JAG2: variants seen among roughly 807,000 people sequenced by gnomAD.
The protein encoded by JAG2 is protein jagged-2.
JAG2 carries 46 observed loss-of-function variants against 141.7 expected under a neutral mutation model. The ratio of observed to expected loss-of-function variants is 0.32; its 90% confidence interval spans 0.26 to 0.42. The LOEUF is 0.42. Ranked by LOEUF, JAG2 falls within the 10% of genes least tolerant of loss-of-function variation. JAG2 has a pLI of 1.00. For synonymous variants in JAG2, 862 were observed against 763.5 expected, an observed-to-expected ratio of 1.13 and a Z score of -2.13; for missense variants, 1,500 against 1,817.5, an observed-to-expected ratio of 0.83 and a Z score of 3.18.
chr14:105,148,486 A>G (rs1888302094), intron 15 of JAG2, 47 bp from the exon 16 acceptor site: 2 of 1,259,960 alleles, frequency 1.6e-6, no homozygotes, highest in South Asian at 1.2e-5. Context: ...ACCGGCGCTC[A>G]GGGAGGGCTT....
chr14:105,157,852 C>T (rs1888625951), intron 2 of JAG2, 89 bp from the exon 3 acceptor site: 2 of 1,203,886 alleles, frequency 1.7e-6, no homozygotes, highest in East Asian at 2.5e-5. Context: ...TCAGACGCTG[C>T]CCCTGGGTCT....
intron 5 of JAG2, among the ~76,000 whole-genome samples, chr14:105,153,410 G>A (rs587601287): frequency 1.5e-3 from 229 of 152,308 alleles, no homozygotes; most frequent in African/African-American, 5.2e-3. Flanking sequence ...GGCTCAGGGC[G>A]GGGCTGTGAC....
chr14:105,143,685 T>C (rs371052515), intron 24 of JAG2, 47 bp from the exon 25 acceptor site: 2 of 1,594,430 alleles, frequency 1.3e-6, no homozygotes, highest in African/African-American at 1.3e-5. Context: ...GGCTCCAGGC[T>C]CCCAGCAGCC....
At chr14:105,158,300 G>C (rs1198475437) in intron 2 of JAG2, among the ~76,000 whole-genome samples, 1 of 152,160 alleles carries the variant, frequency 6.6e-6, no homozygotes, top group African/African-American at 2.4e-5. Context: ...CAACAGGCCG[G>C]AGCTCAGGTC....
chr14:105,166,604 C>T (rs1351781399), intron 2 of JAG2, among the ~76,000 whole-genome samples: 1 of 152,314 alleles, frequency 6.6e-6, no homozygotes, highest in African/African-American at 2.4e-5. Context: ...GCTCAGGAAG[C>T]GGTGAGGATG....
In JAG2 at chr14:105,148,386, G is replaced by C; in HGVS notation, c.2074C>G (p.Leu692Val). ...CACGCACAGTAGAAGTCATTGACCAGGTCGTAGCAGCGGCCGCGGCTGTGG... is the reference window on the plus strand; with the variant it reads ...CACGCACAGTAGAAGTCATTGACCACGTCGTAGCAGCGGCCGCGGCTGTGG... ...PCHSRGRCYD[L>V]VNDFYCACDD... is the part of the protein sequence containing the mutation. The change falls in exon 16 of 26, where the codon CTG (leucine) becomes GTG (valine). Residue 692 changes from leucine to valine, a missense_variant. Around this residue, in one of 3 missense-constraint regions of JAG2, gnomAD observed 875 missense variants for 1,202.2 expected, o/e 0.73. Coordinates refer to ENST00000331782, the MANE Select transcript of JAG2 (RefSeq NM_002226.5). The C allele has an allele frequency of 6.2e-7, 1 of 1,612,306 alleles. No homozygotes were observed. The highest frequency in any genetic ancestry group is 8.5e-7 in the Non-Finnish European group (1 of 1,179,580).
Position 105,151,361 on chromosome 14 carries a change from C to G in JAG2, c.1189G>C (p.Gly397Arg). 1 of 1,612,214 alleles carries G rather than the reference C, an allele frequency of 6.2e-7. No homozygotes were observed. Among genetic ancestry groups the G allele is most frequent in the Non-Finnish European group, 8.5e-7 (1 of 1,179,996 alleles). The stretch of plus-strand genomic sequence containing the variant: ...TCCACCTGGTCCACACAGGTGCCAC[C>G]GGCCGCACACGGGTTCGAAGCACAC... ...DECASNPCAA[G>R]GTCVDQVDGF... Residue 397 changes from glycine to arginine, a missense_variant, in exon 9 of 26, where the codon GGT becomes CGT. Around this residue, in one of 3 missense-constraint regions of JAG2, gnomAD observed 875 missense variants for 1,202.2 expected, o/e 0.73. Transcript: ENST00000331782.
In JAG2 at chr14:105,142,987, C is replaced by G. The variant is rs756380706; in HGVS notation, c.3425G>C (p.Gly1142Ala). 3 of 1,609,358 alleles carry G rather than the reference C, an allele frequency of 1.9e-6. No homozygotes were observed. Among genetic ancestry groups the G allele is most frequent in the Non-Finnish European group, 2.5e-6 (3 of 1,179,376 alleles). Reference sequence around the variant, plus strand: ...CTGGTAGAGCACGTCCTTGTGGCCCCCCGGCCGCTCAATGGGGTTGCGGAT... The same window carrying G: ...CTGGTAGAGCACGTCCTTGTGGCCCGCCGGCCGCTCAATGGGGTTGCGGAT... ...NPIRNPIERP[G>A]GHKDVLYQCK... The change falls in exon 26 of 26, where the codon GGG becomes GCG. Residue 1142 changes from glycine to alanine, a missense_variant. Physicochemically the swap from Gly to Ala is moderately conservative, Grantham distance 60. Transcript: ENST00000331782.
chr14:105,161,479 G>A (rs1481442525), intron 2 of JAG2, among the ~76,000 whole-genome samples: 5 of 152,190 alleles, frequency 3.3e-5, no homozygotes, highest in African/African-American at 9.7e-5. Flanking sequence ...AGCCACTCAG[G>A]TAAGATTACT....
Position 105,154,512 on chromosome 14 carries a change from C to G in JAG2, c.788+1050G>C, listed in dbSNP as rs1035503208. Among the ~76,000 whole-genome samples the G allele has an allele frequency of 8.5e-5, 13 of 152,264 alleles. No individual in the cohort carries two copies. Among genetic ancestry groups the G allele is most frequent in the African/African-American group, 3.1e-4 (13 of 41,556 alleles). The stretch of plus-strand genomic sequence containing the variant: ...AAGCTGCCAGCCCCCCTGGCTGGAT[C>G]CCCCACACTCTGGTCTGGGTCCAGA... On this transcript the variant is annotated intron_variant, in intron 5 of 25. Transcript: ENST00000331782. The surrounding 1 kb of genome is among the most constrained non-coding windows in gnomAD (Gnocchi z 4.4).
chr14:105,155,688 C>T, intron 4 of JAG2, 50 bp downstream of exon 4: 1 of 1,612,316 alleles, frequency 6.2e-7, no homozygotes, highest in Non-Finnish European at 8.5e-7. Context: ...GTGCCCGGGG[C>T]CCTGCCCGAG....
chr14:105,168,149 G>A (rs1363815522), intron 1 of JAG2, 42 bp from the exon 2 acceptor site: 2 of 1,433,562 alleles, frequency 1.4e-6, no homozygotes, highest in South Asian at 1.4e-5. Flanking sequence ...GGCGCGGGCC[G>A]GGGTCGGCGG....
At chr14:105,153,738 A>T (rs1888504770) in intron 5 of JAG2, among the ~76,000 whole-genome samples, 1 of 151,944 alleles carries the variant, frequency 6.6e-6, no homozygotes, top group East Asian at 1.9e-4. Context: ...GGCCCCCCAG[A>T]CTCCGGCTCA....
rs1017500425 is a variant in JAG2, at chr14:105,142,455, C to T, written c.*240G>A. Reference sequence around the variant, plus strand: ...CTCTCCTTTCATACAGCGAGTGCCACGCACGGAAACTTTACAAAAATAGCA... The same window carrying T: ...CTCTCCTTTCATACAGCGAGTGCCATGCACGGAAACTTTACAAAAATAGCA... On this transcript the variant is annotated 3_prime_UTR_variant, in exon 26 of 26. Transcript: ENST00000331782. 6.4e-5 allele frequency: 34 copies of T among 532,680 alleles called. No homozygotes were observed. The highest frequency in any genetic ancestry group is 2.8e-4 in the Middle Eastern group (1 of 3,584). 33.0% of individuals were successfully genotyped at this position (532,680 alleles called of 1,614,324 possible).
At chr14:105,159,772 A>T (rs1450477815) in intron 2 of JAG2, among the ~76,000 whole-genome samples, 1 of 43,762 alleles carries the variant, frequency 2.3e-5, no homozygotes, top group Non-Finnish European at 3.9e-5. Context: ...ACCCCCCCAG[A>T]GTTCCATCCA....
At chr14:105,162,469 C>A (rs1888777037) in intron 2 of JAG2, among the ~76,000 whole-genome samples, 1 of 152,174 alleles carries the variant, frequency 6.6e-6, no homozygotes, top group Non-Finnish European at 1.5e-5. Context: ...CAGGCCAGGG[C>A]ACCTCAAAGC....
chr14:105,161,411 A>C (rs1386916350), intron 2 of JAG2, among the ~76,000 whole-genome samples: 2 of 152,154 alleles, frequency 1.3e-5, no homozygotes, highest in Non-Finnish European at 2.9e-5. Flanking sequence ...CGGCACAGCC[A>C]CACCTGGGCT....
At position 105,151,198 on chromosome 14, in the gene JAG2, A is replaced by G. The variant is rs1888415429; in HGVS notation, c.1267+85T>C. On this transcript the variant is annotated intron_variant, in intron 9 of 25. Transcript: ENST00000331782. ...GCACCCGCAGCCCAGCAGCCCCAGC[A>G]GCCCCAGCAGCCCCCGCAGCCCCAG... 4 of 1,466,620 alleles carry G rather than the reference A, an allele frequency of 2.7e-6. No homozygotes were observed. The South Asian group carries it at 4.9e-5, about 18-fold the overall frequency. The allele number at this position is 1,466,620 out of a possible 1,614,324, so 90.9% of individuals were successfully genotyped here. A position where few individuals can be genotyped will look rare whatever the true frequency, so the allele number is the denominator to read the frequency against.
chr14:105,143,468 C>A lies in JAG2; in HGVS notation c.3241+14G>T. 2 of 1,544,766 alleles carry A rather than the reference C, an allele frequency of 1.3e-6. No homozygotes were observed. The highest frequency in any genetic ancestry group is 1.7e-6 in the Non-Finnish European group (2 of 1,147,532). On this transcript the variant is annotated intron_variant, in intron 25 of 25. Transcript: ENST00000331782. ...TGCCTGGTGCCTTCCCAGGGGCCCACCTCCCGCGCTTACCTGTGGAAGAGC... is the reference window on the plus strand; with the variant it reads ...TGCCTGGTGCCTTCCCAGGGGCCCAACTCCCGCGCTTACCTGTGGAAGAGC...
Sources: allele counts gnomAD v4.1 joint callset (sites outside exome capture counted in the v4.1 genomes callset), GRCh38; gene constraint gnomAD v4.1.1; regional missense constraint gnomAD v4.1.1; non-coding constraint Gnocchi (gnomAD v3.1); transcripts MANE v1.5; gene names NCBI Gene and HGNC (gene_info 2026-07-23, HGNC 2026-07-21).